FRMPD4: variants seen among roughly 807,000 people sequenced by gnomAD.
FRMPD4 encodes FERM and PDZ domain containing 4.
A neutral mutation model predicts 94.1 loss-of-function variants in FRMPD4; 22 were observed. The ratio of observed to expected loss-of-function variants is 0.23; its 90% CI spans 0.17 to 0.33. The LOEUF is 0.33. Ranked by LOEUF, FRMPD4 falls within the 10% of genes least tolerant of loss-of-function variation. The pLI, the probability that FRMPD4 is intolerant of heterozygous loss-of-function variation, is 1.00. For missense variants in FRMPD4, 1,111 were observed against 1,339.9 expected, an observed-to-expected ratio of 0.83 and a Z score of 2.67; for synonymous variants, 631 against 548.6, an observed-to-expected ratio of 1.15 and a Z score of -2.10.
intron 1 of FRMPD4, among the ~76,000 whole-genome samples, chrX:12,274,199 G>T (rs905204666): frequency 4.2e-4 from 46 of 110,546 alleles, no homozygotes; most frequent in African/African-American, 1.5e-3. Context: ...AAAATTAAAA[G>T]AGAAATAAAA....
chrX:12,674,656 T>C (rs2059877909), intron 4 of FRMPD4, among the ~76,000 whole-genome samples: 1 of 112,048 alleles, frequency 8.9e-6, no homozygotes, highest in African/African-American at 3.2e-5. Context: ...AGCTTTCAAT[T>C]GGGCAGTTTG....
intron 2 of FRMPD4, among the ~76,000 whole-genome samples, chrX:12,592,103 A>G (rs2058988440): frequency 9.0e-6 from 1 of 111,529 alleles, no homozygotes. Context: ...ATTTTGGAGG[A>G]GTCCTGCCCC....
chrX:11,826,893 G>A (rs73632659), intron 1 of FRMPD4, among the ~76,000 whole-genome samples: 1 of 109,121 alleles, frequency 9.2e-6, no homozygotes, highest in African/African-American at 3.3e-5. Context: ...CAAAATGCAA[G>A]CACCGTGAGA....
intron 2 of FRMPD4, among the ~76,000 whole-genome samples, chrX:12,571,779 G>A (rs1011144367): frequency 1.1e-4 from 12 of 112,031 alleles, no homozygotes; most frequent in Non-Finnish European, 2.1e-4. Context: ...AATTACTATT[G>A]TTCACTTGAT....
intron 3 of FRMPD4, among the ~76,000 whole-genome samples, chrX:12,023,846 G>C (rs904499468): frequency 2.7e-4 from 30 of 111,587 alleles, no homozygotes; most frequent in African/African-American, 9.5e-4. Flanking sequence ...ATCTTCTTTA[G>C]GTTCCTGCCT....
intron 1 of FRMPD4, among the ~76,000 whole-genome samples, chrX:12,459,700 G>A (rs747227103): frequency 1.8e-5 from 2 of 111,658 alleles, no homozygotes; most frequent in Non-Finnish European, 3.8e-5. Flanking sequence ...ATTCAGAGTT[G>A]GTAGACATTT....
chrX:12,125,531 A>AT (rs11442787), intron 3 of FRMPD4, among the ~76,000 whole-genome samples: 14,637 of 108,132 alleles, frequency 0.14, 1,527 homozygotes, highest in East Asian at 0.59. Context: ...TTTCCTCTGA[A>AT]TTTTTTTTTA....
At chrX:11,890,356 G>A (rs2053867662) in intron 3 of FRMPD4, among the ~76,000 whole-genome samples, 1 of 111,281 alleles carries the variant, frequency 9.0e-6, no homozygotes, top group African/African-American at 3.3e-5. Context: ...ATCAGAATCT[G>A]CCTTTCCCAA....
intron 3 of FRMPD4, among the ~76,000 whole-genome samples, chrX:12,120,192 G>C (rs889331680): frequency 8.9e-6 from 1 of 112,117 alleles, no homozygotes. Flanking sequence ...TAAGAGAAGA[G>C]AGGAAGAAGA....
At position 12,723,848 on chromosome X, in the gene FRMPD4, T is replaced by G. The variant is rs1307581405; in HGVS notation, c.*1990T>G. The G allele has an allele frequency of 9.0e-6, 1 of 111,567 alleles. No individual in the cohort carries two copies. The highest frequency in any genetic ancestry group is 1.9e-5 in the Non-Finnish European group (1 of 53,167). The allele number at this position is 111,567 out of a possible 1,213,427, so 9.2% of individuals were successfully genotyped here. On this transcript the variant is annotated 3_prime_UTR_variant, in exon 17 of 17. Transcript: ENST00000675598. The stretch of plus-strand genomic sequence containing the variant: ...TCTGCCATTTTCTAGCCCTTTTATG[T>G]TGGGAAAGCTACTTTTTCTAGTCTC...
chrX:11,854,376 T>C lies in FRMPD4; in HGVS notation c.-160-10710T>C, dbSNP rs1257909657. Among the ~76,000 whole-genome samples, 3 of 111,590 alleles carry C rather than the reference T, an allele frequency of 2.7e-5. No homozygotes were observed. The South Asian group carries it at 1.1e-3, about 43-fold the overall frequency. On this transcript the variant is annotated intron_variant, in intron 1 of 18. Coordinates refer to the FRMPD4 transcript ENST00000640291. ...CATGTCCTCGCAATTCAAAACACAG[T>C]CATGCCCTTCCAACAGTCTTCCAAA...
intron 1 of FRMPD4, among the ~76,000 whole-genome samples, chrX:12,326,878 C>G (rs751310955): frequency 9.0e-6 from 1 of 111,017 alleles, no homozygotes; most frequent in East Asian, 2.8e-4. Flanking sequence ...AGGAGGATCC[C>G]TTGAGCCCAG....
intron 1 of FRMPD4, among the ~76,000 whole-genome samples, chrX:12,473,693 CAACAAAGATCAAAAGA>C (rs1265535794): frequency 1.8e-5 from 2 of 109,293 alleles, no homozygotes; most frequent in Non-Finnish European, 3.8e-5. Flanking sequence ...GACTTTAAAC[CAACAAAGATCAAAAGA>C]GACAAAGAAG....
chrX:11,845,647 C>A (rs1280746353), intron 1 of FRMPD4, among the ~76,000 whole-genome samples: 1 of 109,484 alleles, frequency 9.1e-6, no homozygotes, highest in African/African-American at 3.3e-5. Context: ...ACTGGCAAAC[C>A]GAATCCAGCA....
chrX:11,924,388 A>T (rs1319662669), intron 3 of FRMPD4, among the ~76,000 whole-genome samples: 1 of 112,129 alleles, frequency 8.9e-6, no homozygotes, highest in Non-Finnish European at 1.9e-5. Context: ...CCAACATTCA[A>T]ATTCAGGAAA....
chrX:11,991,645 C>T (rs1410560902), intron 3 of FRMPD4, among the ~76,000 whole-genome samples: 3 of 111,847 alleles, frequency 2.7e-5, no homozygotes, highest in Admixed American at 9.5e-5. Context: ...CCTTCTCACA[C>T]CCTTTTGAAC....
chrX:11,991,710 T>G (rs940308783), intron 3 of FRMPD4, among the ~76,000 whole-genome samples: 5 of 112,111 alleles, frequency 4.5e-5, no homozygotes, highest in Non-Finnish European at 9.4e-5. Flanking sequence ...TCTTTAAATT[T>G]AAGTCATTTG....
intron 3 of FRMPD4, among the ~76,000 whole-genome samples, chrX:12,056,857 T>A (rs1411691684): frequency 8.9e-6 from 1 of 112,078 alleles, no homozygotes; most frequent in Non-Finnish European, 1.9e-5. Flanking sequence ...TTTCTATGTT[T>A]TATTATAGCA....
intron 2 of FRMPD4, among the ~76,000 whole-genome samples, chrX:12,543,741 A>G (rs1223319866): frequency 9.0e-6 from 1 of 110,971 alleles, no homozygotes; most frequent in Non-Finnish European, 1.9e-5. Context: ...TACTGGGTAT[A>G]TACCCAAAGG....
Sources: gnomAD v4.1 joint callset for allele counts (sites outside exome capture counted in the v4.1 genomes callset) on GRCh38, gnomAD v4.1.1 for gene constraint, MANE v1.5 for transcripts, NCBI Gene and HGNC (gene_info 2026-07-23, HGNC 2026-07-21) for gene names.